PHKA2: variants seen among roughly 807,000 people sequenced by gnomAD.
The protein encoded by PHKA2 is phosphorylase b kinase regulatory subunit alpha, liver isoform.
In PHKA2, 31 loss-of-function variants were observed where a neutral mutation model predicts 102.0. The observed-to-expected ratio is 0.30, with a 90% CI of 0.23 to 0.41. The LOEUF (loss-of-function observed/expected upper bound fraction) is 0.41, where lower values mean the gene tolerates loss of function less well. Among genes scored for constraint, PHKA2 ranks in the 10% least tolerant of loss-of-function variants. The probability of loss-of-function intolerance (pLI) is 1.00; values close to 1 mark genes in which losing one functional copy is unlikely to be tolerated. For missense variants in PHKA2, 858 were observed against 1,023.1 expected (o/e 0.84, Z 2.20); for synonymous variants, 455 against 416.2 (o/e 1.09, Z -1.13).
intron 13 of PHKA2, among the ~76,000 whole-genome samples, chrX:18,927,294 G>C (rs1343747066): frequency 8.9e-6 from 1 of 112,420 alleles, no homozygotes; most frequent in Admixed American, 9.3e-5. Context: ...GAGGAGGGAG[G>C]CCATCACCGG....
chrX:18,941,809 A>G (rs932005183), intron 7 of PHKA2, 134 bp from the exon 8 acceptor site: 2 of 522,632 alleles, frequency 3.8e-6, no homozygotes, highest in African/African-American at 2.3e-5. Context: ...TCCTACCAAC[A>G]TGGCCCCTGC....
In PHKA2 at chrX:18,893,292, G is replaced by A. The variant is rs185981642; in HGVS notation, c.*193C>T. 2.8e-4 allele frequency: 133 copies of A among 479,677 alleles called. No individual in the cohort carries two copies. The highest frequency in any genetic ancestry group is 4.5e-4 in the Non-Finnish European group (121 of 271,537). The allele number at this position is 479,677 out of a possible 1,213,427, so 39.5% of individuals were successfully genotyped here. ...GGGTGCTCCTTGCGGGGGAACACAG[G>A]ACTCCTCAGCTCTATCTCTGTGGCT... On this transcript the variant is annotated 3_prime_UTR_variant, in exon 33 of 33. Coordinates refer to ENST00000379942, the MANE Select transcript of PHKA2 (RefSeq NM_000292.3).
At chrX:18,914,381 A>G (rs1009263730) in intron 19 of PHKA2, among the ~76,000 whole-genome samples, 4 of 112,433 alleles carry the variant, frequency 3.6e-5, no homozygotes, top group Non-Finnish European at 7.5e-5. Flanking sequence ...CAGATGAAAG[A>G]TAAGTGATTT....
intron 1 of PHKA2, among the ~76,000 whole-genome samples, chrX:18,982,032 G>A (rs1268791550): frequency 8.9e-6 from 1 of 111,778 alleles, no homozygotes; most frequent in Admixed American, 9.4e-5. Flanking sequence ...GTCATGAAGG[G>A]AAAGGTTTTT....
At chrX:18,972,009 T>C (rs1601802412) in intron 1 of PHKA2, among the ~76,000 whole-genome samples, 1 of 113,058 alleles carries the variant, frequency 8.8e-6, no homozygotes, top group African/African-American at 3.2e-5. Context: ...ATCAATTTAT[T>C]TTATGATTTA....
intron 1 of PHKA2, among the ~76,000 whole-genome samples, chrX:18,967,480 G>C (rs2048961249): frequency 9.1e-6 from 1 of 109,942 alleles, no homozygotes; most frequent in Admixed American, 9.8e-5. Flanking sequence ...GAGACAAGAG[G>C]GGTGGTCCAG....
intron 30 of PHKA2, 131 bp from the exon 31 acceptor site, chrX:18,895,322 A>C: frequency 1.7e-6 from 1 of 582,755 alleles, no homozygotes; most frequent in Non-Finnish European, 3.0e-6. Context: ...GACACGCCAG[A>C]CTGTCAGAGT....
At chrX:18,965,736 A>C (rs2048931768) in intron 1 of PHKA2, among the ~76,000 whole-genome samples, 1 of 111,057 alleles carries the variant, frequency 9.0e-6, no homozygotes, top group Non-Finnish European at 1.9e-5. Flanking sequence ...ATCAAGAACC[A>C]CTTCTCTAGA....
rs1220544075 is a variant in PHKA2, at chrX:18,916,289, C to T, written c.2137+2392G>A. Among the ~76,000 whole-genome samples, 3 of 111,207 alleles carry T rather than the reference C, an allele frequency of 2.7e-5. No individual in the cohort carries two copies. The East Asian group carries it at 8.5e-4, about 31-fold the overall frequency. ...AATTAGCCGGATGTGATGGTGGGTG[C>T]CTGTAATCCCCGCTACTTGGGAGGC... On this transcript the variant is annotated intron_variant, in intron 19 of 32. Coordinates refer to ENST00000379942, the MANE Select transcript of PHKA2 (RefSeq NM_000292.3).
Position 18,962,979 on chromosome X carries a change from T to C in PHKA2, c.79-8567A>G, listed in dbSNP as rs576061695. 1.5e-4 allele frequency among the ~76,000 whole-genome samples: 17 copies of C among 112,427 alleles called. 1 individual carries two copies. The South Asian group carries it at 2.9e-3, about 19-fold the overall frequency. ...AGAACATAGGTGTTAAGGGGAGGCT[T>C]CAAAGAGCTGAAAGGTTGTCCTCTC... On this transcript the variant is annotated intron_variant, in intron 1 of 32. Transcript: ENST00000379942.
At chrX:18,921,136 C>A (rs896388235) in intron 17 of PHKA2, among the ~76,000 whole-genome samples, 8 of 111,348 alleles carry the variant, frequency 7.2e-5, no homozygotes, top group African/African-American at 2.3e-4. Flanking sequence ...TTTTAAAAAA[C>A]CCTCAGAAAT....
intron 20 of PHKA2, among the ~76,000 whole-genome samples, chrX:18,910,485 A>T (rs955773188): frequency 4.5e-5 from 5 of 111,715 alleles, no homozygotes; most frequent in African/African-American, 1.6e-4. Context: ...AGAAAAATTT[A>T]AAAAGGCCAT....
Position 18,893,528 on chromosome X carries a change from TAAG to T in PHKA2, c.3662_3664del (p.Ser1221del), listed in dbSNP as rs763727318. ...CGAATTGGGCAACAATTCCTGCAAA[TAAG>T]AAGCCACTGCTCTTGTTAGGTAGGT... On this transcript the variant is annotated inframe_deletion, in exon 33 of 33. Coordinates refer to ENST00000379942, the MANE Select transcript of PHKA2 (RefSeq NM_000292.3). 2.9e-5 allele frequency: 35 copies of T among 1,209,986 alleles called. No homozygotes were observed. The highest frequency in any genetic ancestry group is 4.4e-5 in the Admixed American group (2 of 45,814).
chrX:18,908,278 G>A (rs779980134), intron 21 of PHKA2, among the ~76,000 whole-genome samples: 46 of 112,462 alleles, frequency 4.1e-4, no homozygotes, highest in Admixed American at 3.8e-3. Flanking sequence ...CATGCTGGGG[G>A]ACCAGCATCA....
chrX:18,898,584 T>C (rs1469110186), intron 29 of PHKA2, among the ~76,000 whole-genome samples: 1 of 112,991 alleles, frequency 8.9e-6, no homozygotes, highest in Non-Finnish European at 1.9e-5. Flanking sequence ...CTGCAGCAGT[T>C]GGATTTCAAC....
chrX:18,977,630 C>G (rs1479423683), intron 1 of PHKA2, among the ~76,000 whole-genome samples: 1 of 111,110 alleles, frequency 9.0e-6, no homozygotes, highest in East Asian at 2.8e-4. Flanking sequence ...TGAATTAGCC[C>G]TCTGTCATCT....
rs945133803 is a variant in PHKA2, at chrX:18,905,320, C to T, written c.2908+438G>A. ...TCCTGAGTACCTGGGATTACAGGCG[C>T]GCGCCACCACGCCTGACTAATTTTT... On this transcript the variant is annotated intron_variant, in intron 26 of 32. Coordinates refer to ENST00000379942, the MANE Select transcript of PHKA2 (RefSeq NM_000292.3). Among the ~76,000 whole-genome samples the T allele has an allele frequency of 5.4e-5, 6 of 111,881 alleles. No individual in the cohort carries two copies. In the East Asian group the frequency reaches 8.5e-4, roughly 16 times the overall value.
chrX:18,918,717 A>T lies in PHKA2; in HGVS notation c.2101T>A (p.Ser701Thr). ...SAIHSTRDIL[S>T]VMAKAKGLEV... ...AAACCCTTTGCTTTTGCCATCACAG[A>T]AAGTATGTCCCGCGTGGAGTGGATA... Residue 701 changes from serine (S) to threonine (T), a missense_variant, in exon 19 of 33, where the codon TCT becomes ACT. Ser to Thr is a moderately conservative substitution (Grantham distance 58). Transcript: ENST00000379942. The T allele has an allele frequency of 3.3e-6, 4 of 1,211,139 alleles. No homozygotes were observed. Among genetic ancestry groups the T allele is most frequent in the African/African-American group, 1.7e-5 (1 of 57,822 alleles).
intron 19 of PHKA2, among the ~76,000 whole-genome samples, chrX:18,916,714 G>A (rs767185957): frequency 7.2e-5 from 8 of 111,419 alleles, no homozygotes; most frequent in South Asian, 7.6e-4. Flanking sequence ...TTTGTCTTCC[G>A]TCATGACTGG....
Sources: allele counts gnomAD v4.1 joint callset (sites outside exome capture counted in the v4.1 genomes callset), GRCh38; gene constraint gnomAD v4.1.1; transcripts MANE v1.5; gene names NCBI Gene and HGNC (gene_info 2026-07-23, HGNC 2026-07-21).